The following ROBO2 variants were observed in gnomAD, a reference collection of about 807,000 sequenced individuals.
ROBO2 encodes roundabout guidance receptor 2.
A neutral mutation model predicts 160.8 loss-of-function variants in ROBO2; 53 were observed. That is an observed-to-expected ratio of 0.33 (90% CI 0.26 to 0.41). ROBO2 has a LOEUF of 0.41. Ranked by LOEUF, ROBO2 falls within the 10% of genes least tolerant of loss-of-function variation. ROBO2 has a pLI of 1.00. For synonymous variants in ROBO2, 664 were observed against 611.7 expected, an observed-to-expected ratio of 1.09 and a Z score of -1.26; for missense variants, 1,577 against 1,722.4, an observed-to-expected ratio of 0.92 and a Z score of 1.49.
chr3:76,189,175 C>T (rs1281945228), intron 2 of ROBO2, among the ~76,000 whole-genome samples: 1 of 151,802 alleles, frequency 6.6e-6, no homozygotes, highest in Non-Finnish European at 1.5e-5. Context: ...ATTTTCTTTG[C>T]ATCTCTATCT....
intron 1 of ROBO2, among the ~76,000 whole-genome samples, chr3:77,052,053 G>A (rs1226537334): frequency 2.6e-5 from 4 of 152,234 alleles, no homozygotes; most frequent in South Asian, 4.1e-4. Flanking sequence ...AGATTCTTCC[G>A]TTTTCTCTTT....
intron 2 of ROBO2, among the ~76,000 whole-genome samples, chr3:77,469,298 T>A (rs1378507229): frequency 6.6e-6 from 1 of 152,178 alleles, no homozygotes; most frequent in Non-Finnish European, 1.5e-5. Flanking sequence ...ACTTTGTACA[T>A]AGCTCCAGTT....
At chr3:77,419,169 C>T (rs187039955) in intron 2 of ROBO2, among the ~76,000 whole-genome samples, 16 of 152,146 alleles carry the variant, frequency 1.1e-4, no homozygotes, top group Admixed American at 9.8e-4. Context: ...AACATAAACT[C>T]CTATGTCTGG....
At position 76,141,207 on chromosome 3, in the gene ROBO2, A is replaced by ATG. The variant is rs1407204322; in HGVS notation, c.109+203606_109+203607insGT. On this transcript the variant is annotated intron_variant, in intron 2 of 26. Transcript: ENST00000487694. ...TATATATTTAATGTCTGATATATAT[A>ATG]TATCAGACATTAAAAATGACATTCT... Among the ~76,000 whole-genome samples the ATG allele has an allele frequency of 3.7e-4, 47 of 127,702 alleles. No homozygotes were observed. The Middle Eastern group carries it at 0.016, about 43-fold the overall frequency. 83.8% of individuals were successfully genotyped at this position (127,702 alleles called of 152,430 possible). A position where few individuals can be genotyped will look rare whatever the true frequency, so the allele number is the denominator to read the frequency against.
intron 2 of ROBO2, among the ~76,000 whole-genome samples, chr3:77,156,291 G>T (rs915829653): frequency 6.6e-6 from 1 of 151,952 alleles, no homozygotes; most frequent in Admixed American, 6.6e-5. Context: ...TGTCAGGTTT[G>T]ATTTTACTTT....
At chr3:77,559,820 T>C (rs1251860399) in intron 9 of ROBO2, among the ~76,000 whole-genome samples, 1 of 152,006 alleles carries the variant, frequency 6.6e-6, no homozygotes, top group Admixed American at 6.6e-5. Flanking sequence ...TTATCTTTAA[T>C]TTTTGAGATA....
intron 2 of ROBO2, among the ~76,000 whole-genome samples, chr3:76,989,641 C>T (rs972693353): frequency 2.6e-5 from 4 of 152,080 alleles, no homozygotes; most frequent in Middle Eastern, 3.4e-3. Context: ...AATCATTATA[C>T]TGTGTTTGGA....
rs10670772 is a variant in ROBO2, at chr3:76,628,433, GT to G, written c.110-469564del. ...TCACTCGCTATCCACTAATTTTTAG[GT>G]TTTTTTTTTTTTTTTTAGAGATGGG... On this transcript the variant is annotated intron_variant, in intron 2 of 26. Coordinates refer to the ROBO2 transcript ENST00000487694. 5.2e-3 allele frequency among the ~76,000 whole-genome samples: 701 copies of G among 135,348 alleles called. 2 individuals are homozygous for G. Among genetic ancestry groups the G allele is most frequent in the African/African-American group, 0.014 (502 of 36,296 alleles). The allele number at this position is 135,348 out of a possible 152,430, so 88.8% of individuals were successfully genotyped here.
chr3:76,639,016 T>C (rs947907108), intron 2 of ROBO2, among the ~76,000 whole-genome samples: 1 of 152,164 alleles, frequency 6.6e-6, no homozygotes, highest in Non-Finnish European at 1.5e-5. Flanking sequence ...TTGGCACTTC[T>C]ATTCCAAAGA....
intron 2 of ROBO2, among the ~76,000 whole-genome samples, chr3:76,640,425 G>A (rs1034320610): frequency 2.0e-5 from 3 of 152,216 alleles, no homozygotes; most frequent in East Asian, 3.9e-4. Context: ...CAGCTACTCG[G>A]GAGGCTAAGG....
chr3:76,926,380 A>C (rs1232540563), intron 2 of ROBO2, among the ~76,000 whole-genome samples: 1 of 152,216 alleles, frequency 6.6e-6, no homozygotes, highest in Admixed American at 6.5e-5. Context: ...AGGGTCTTTC[A>C]CTGGAAGGAA....
chr3:76,502,351 T>C (rs2080506461), intron 2 of ROBO2, among the ~76,000 whole-genome samples: 1 of 152,180 alleles, frequency 6.6e-6, no homozygotes, highest in African/African-American at 2.4e-5. Flanking sequence ...CCTGAACAAA[T>C]TTGTGGCAAT....
chr3:76,970,390 A>T (rs1405545220), intron 2 of ROBO2, among the ~76,000 whole-genome samples: 1 of 152,198 alleles, frequency 6.6e-6, no homozygotes, highest in Admixed American at 6.5e-5. Flanking sequence ...TTTTAGCCAG[A>T]GTTCACTTAT....
intron 2 of ROBO2, among the ~76,000 whole-genome samples, chr3:76,576,303 C>T (rs912367123): frequency 2.3e-4 from 35 of 152,158 alleles, no homozygotes; most frequent in African/African-American, 7.5e-4. Context: ...GAGCCATGGG[C>T]GGCAAAAGTG....
At chr3:77,037,678 T>A (rs1437336007), upstream of ROBO2, among the ~76,000 whole-genome samples, 1 of 152,202 alleles carries the variant, frequency 6.6e-6, no homozygotes, top group African/African-American at 2.4e-5. Context: ...TTTCTGCCTC[T>A]GAGTGATTTT....
chr3:77,608,042 C>G, intron 21 of ROBO2, 88 bp downstream of exon 22: 1 of 1,320,660 alleles, frequency 7.6e-7, no homozygotes, highest in Non-Finnish European at 1.1e-6. Context: ...TGTTCTCTCA[C>G]TGTTTCCTTT....
At chr3:76,034,051 AC>A (rs2067017010) in intron 2 of ROBO2, among the ~76,000 whole-genome samples, 1 of 152,136 alleles carries the variant, frequency 6.6e-6, no homozygotes, top group Non-Finnish European at 1.5e-5. Context: ...AATAGACTTC[AC>A]CTCTTGACAG....
chr3:77,461,911 A>G (rs2082285085), intron 2 of ROBO2, among the ~76,000 whole-genome samples: 1 of 151,940 alleles, frequency 6.6e-6, no homozygotes, highest in Admixed American at 6.6e-5. Flanking sequence ...TTTTTAGTAG[A>G]GACGGGGTTT....
At chr3:77,571,005 TAAGAAAC>T (rs2093624750) in intron 13 of ROBO2, among the ~76,000 whole-genome samples, 1 of 151,972 alleles carries the variant, frequency 6.6e-6, no homozygotes, top group East Asian at 1.9e-4. Context: ...GCAAAAATGA[TAAGAAAC>T]CTGCTGTTCC....
Sources: allele counts gnomAD v4.1 joint callset (sites outside exome capture counted in the v4.1 genomes callset), GRCh38; gene constraint gnomAD v4.1.1; transcripts MANE v1.5; gene names NCBI Gene and HGNC (gene_info 2026-07-23, HGNC 2026-07-21).